NSA2: variants seen among roughly 807,000 people sequenced by gnomAD.
The protein encoded by NSA2 is NSA2 ribosome biogenesis factor.
Under a neutral mutation model 34.8 loss-of-function variants are expected in NSA2, and 18 were observed. The ratio of observed to expected loss-of-function variants is 0.52; its 90% CI spans 0.36 to 0.77. The LOEUF (loss-of-function observed/expected upper bound fraction) is 0.77, where lower values mean the gene tolerates loss of function less well. Ranked by LOEUF, NSA2 falls within the 30% of genes least tolerant of loss-of-function variation. The probability of loss-of-function intolerance (pLI) is 0.00; values close to 1 mark genes in which losing one functional copy is unlikely to be tolerated. For synonymous variants in NSA2, 79 were observed against 100.2 expected (o/e 0.79, Z 1.26); for missense variants, 188 against 314.7 (o/e 0.60, Z 3.05).
chr5:74,770,488 C>A, intron 3 of NSA2, 143 bp from the exon 4 acceptor site: 1 of 592,296 alleles, frequency 1.7e-6, no homozygotes, highest in Non-Finnish European at 3.0e-6. Flanking sequence ...CAATACAGAC[C>A]TCTAGAAGAC....
chr5:74,775,228 T>C (rs1303578548), intron 5 of NSA2, among the ~76,000 whole-genome samples: 2 of 150,512 alleles, frequency 1.3e-5, no homozygotes, highest in African/African-American at 4.9e-5. Flanking sequence ...AAAGTAATAA[T>C]AATAATTGAA....
At position 74,777,632 on chromosome 5, in the gene NSA2, T is replaced by G. The variant is rs1236411062; in HGVS notation, c.*961T>G. Reference sequence around the variant, plus strand: ...GTCTGTCTTCAGAGTACAACCAATGTGATTAATTGTGCCTTTAACAAAGTC... The same window carrying G: ...GTCTGTCTTCAGAGTACAACCAATGGGATTAATTGTGCCTTTAACAAAGTC... On this transcript the variant is annotated 3_prime_UTR_variant, in exon 6 of 6. Transcript: ENST00000610426. The G allele has an allele frequency of 6.6e-6, 1 of 151,734 alleles. No individual in the cohort carries two copies. Among genetic ancestry groups the G allele is most frequent in the Non-Finnish European group, 1.5e-5 (1 of 67,742 alleles). The allele number at this position is 151,734 out of a possible 1,614,324, so 9.4% of individuals were successfully genotyped here.
At chr5:74,776,495 C>A in intron 5 of NSA2, 109 bp from the exon 6 acceptor site, 1 of 654,810 alleles carries the variant, frequency 1.5e-6, no homozygotes, top group Non-Finnish European at 2.8e-6. Flanking sequence ...AAGAGTGAAA[C>A]CCTGTATTAA....
rs779429219 is a variant in NSA2 at position 74,776,598 on chromosome 5, C to G, written c.716-6C>G. 1 of 1,551,372 alleles carries G rather than the reference C, an allele frequency of 6.4e-7. No individual in the cohort carries two copies. The highest frequency in any genetic ancestry group is 1.1e-5 in the South Asian group (1 of 89,670). On this transcript the variant is annotated splice_polypyrimidine_tract_variant and splice_region_variant and intron_variant, in intron 5 of 5. Transcript: ENST00000610426. ...CTTTTCCCTTTTTTGGTTTTGTTTT[C>G]CTTAGGAAAATATGCCCAGGTTACC...
intron 5 of NSA2, among the ~76,000 whole-genome samples, chr5:74,775,348 G>A (rs761100706): frequency 6.6e-6 from 1 of 152,100 alleles, no homozygotes; most frequent in Non-Finnish European, 1.5e-5. Flanking sequence ...GGGCGCAGTG[G>A]CTGACACCTA....
In NSA2 at chr5:74,773,256, TA is replaced by T. The variant is rs1203347055; in HGVS notation, c.523-609del. 4.0e-5 allele frequency among the ~76,000 whole-genome samples: 6 copies of T among 151,860 alleles called. No homozygotes were observed. In the East Asian group the frequency reaches 1.2e-3, roughly 29 times the overall value. On this transcript the variant is annotated intron_variant, in intron 4 of 5. Transcript: ENST00000610426. ...AGCTAGCATAGTGGCCTGGTATATA[TA>T]AAGTCCTTAGTAAGTCTAAGTGTAG...
intron 4 of NSA2, among the ~76,000 whole-genome samples, chr5:74,773,414 G>A (rs868172553): frequency 6.7e-6 from 1 of 149,372 alleles, no homozygotes; most frequent in South Asian, 2.1e-4. Context: ...GGGTGGATAC[G>A]TTGAGAGCCC....
chr5:74,770,607 CTT>C (rs1452106083), intron 3 of NSA2, 22 bp from the exon 4 acceptor site: 58 of 1,535,410 alleles, frequency 3.8e-5, no homozygotes, highest in Non-Finnish European at 4.8e-5. Flanking sequence ...ACAATATAAA[CTT>C]TTAACTGTGG....
Position 74,769,315 on chromosome 5 carries a change from G to A in NSA2, c.293G>A (p.Arg98Gln), listed in dbSNP as rs780831312. ...AYLLDREGQS[R>Q]AKVLSNMIKQ... The stretch of plus-strand genomic sequence containing the variant: ...CTGCTGGACAGAGAGGGACAATCTC[G>A]AGCTAAAGTACTTTCCAATATGATT... Residue 98 changes from arginine (R) to glutamine (Q), a missense_variant, in exon 3 of 6, where the codon CGA becomes CAA. Coordinates refer to ENST00000610426, the MANE Select transcript of NSA2 (RefSeq NM_014886.6). The A allele has an allele frequency of 1.1e-5, 17 of 1,613,268 alleles. No homozygotes were observed. Among genetic ancestry groups the A allele is most frequent in the Non-Finnish European group, 1.4e-5 (16 of 1,179,702 alleles).
intron 5 of NSA2, among the ~76,000 whole-genome samples, chr5:74,774,987 G>A (rs1224339423): frequency 1.3e-5 from 2 of 151,602 alleles, no homozygotes; most frequent in Admixed American, 6.6e-5. Context: ...AGGCTGAGGC[G>A]GACAGATCAT....
Position 74,767,973 on chromosome 5 carries a change from C to G in NSA2, c.3+610C>G, listed in dbSNP as rs75543505. Among the ~76,000 whole-genome samples the G allele has an allele frequency of 4.0e-3, 603 of 152,338 alleles. 2 individuals carry two copies. The highest frequency in any genetic ancestry group is 0.014 in the African/African-American group (581 of 41,568). On this transcript the variant is annotated intron_variant, in intron 1 of 5. Coordinates refer to ENST00000610426, the MANE Select transcript of NSA2 (RefSeq NM_014886.6). ...TTGTTGGTTGTTACTTAACATTGCT[C>G]TCTGTGCTGGACTTGGCTTTGTATC...
In NSA2 at chr5:74,769,223, G is replaced by A. The variant is rs776661978; in HGVS notation, c.201G>A (p.Met67Ile). The change falls in exon 3 of 6, where the codon ATG becomes ATA. Residue 67 changes from methionine to isoleucine, a missense_variant. Physicochemically the swap from Met to Ile is conservative, Grantham distance 10. Transcript: ENST00000610426. ...EKIQMKKTIK[M>I]HEKRNTKQKN... ...TTTTCCTTCTTGGTAGTATCAAGATGCATGAAAAGAGAAACACCAAACAAA... is the reference window on the plus strand; with the variant it reads ...TTTTCCTTCTTGGTAGTATCAAGATACATGAAAAGAGAAACACCAAACAAA... The A allele has an allele frequency of 3.1e-6, 5 of 1,605,862 alleles. No homozygotes were observed. The Admixed American group carries it at 8.6e-5, about 28-fold the overall frequency.
chr5:74,774,328 C>T (rs911536774), intron 5 of NSA2, among the ~76,000 whole-genome samples: 2 of 152,170 alleles, frequency 1.3e-5, no homozygotes, highest in African/African-American at 4.8e-5. Flanking sequence ...TAGCCAGGCA[C>T]AGCAGCTCAC....
intron 4 of NSA2, among the ~76,000 whole-genome samples, chr5:74,772,672 C>G (rs1744982462): frequency 6.6e-6 from 1 of 152,098 alleles, no homozygotes; most frequent in Non-Finnish European, 1.5e-5. Flanking sequence ...TATTCATAGT[C>G]TGAATATATT....
At chr5:74,768,489 T>C (rs6879781) in intron 1 of NSA2, among the ~76,000 whole-genome samples, 54,305 of 152,078 alleles carry the variant, frequency 0.36, 12,893 homozygotes, top group African/African-American at 0.68. Context: ...TGGAAATTCT[T>C]TGTATTTTGA....
chr5:74,769,713 T>C (rs1266339531), intron 3 of NSA2, among the ~76,000 whole-genome samples: 1 of 152,212 alleles, frequency 6.6e-6, no homozygotes, highest in Non-Finnish European at 1.5e-5. Flanking sequence ...GTGCCAAACT[T>C]GGTTAAAAAG....
In NSA2 at chr5:74,778,649, T is replaced by C. The variant is rs1326281484; in HGVS notation, c.*1978T>C. 1 of 152,106 alleles carries C rather than the reference T, an allele frequency of 6.6e-6. No individual in the cohort carries two copies. The highest frequency in any genetic ancestry group is 1.5e-5 in the Non-Finnish European group (1 of 67,936). 9.4% of individuals were successfully genotyped at this position (152,106 alleles called of 1,614,324 possible). On this transcript the variant is annotated 3_prime_UTR_variant, in exon 6 of 6. Transcript: ENST00000610426. ...CTTTAAAAGTTGTAGAGGAGCTTTATAATAAATTCTTAAATATACTAATTT... is the reference window on the plus strand; with the variant it reads ...CTTTAAAAGTTGTAGAGGAGCTTTACAATAAATTCTTAAATATACTAATTT...
chr5:74,772,463 G>C (rs1341434313), intron 4 of NSA2, among the ~76,000 whole-genome samples: 2 of 152,110 alleles, frequency 1.3e-5, no homozygotes, highest in African/African-American at 2.4e-5. Context: ...CAAATAGCCT[G>C]TTTCTGTAAA....
At chr5:74,767,716 A>G (rs924164987) in intron 1 of NSA2, among the ~76,000 whole-genome samples, 26 of 152,280 alleles carry the variant, frequency 1.7e-4, no homozygotes, top group Middle Eastern at 6.8e-3. Context: ...ACAGTCTTAG[A>G]TGTCAGTCCC....
Sources: gnomAD v4.1 joint callset for allele counts (sites outside exome capture counted in the v4.1 genomes callset) on GRCh38, gnomAD v4.1.1 for gene constraint, MANE v1.5 for transcripts, NCBI Gene and HGNC (gene_info 2026-07-23, HGNC 2026-07-21) for gene names.